Variants in EYS observed in about 807,000 individuals in gnomAD.
The protein encoded by EYS is protein eyes shut homolog.
EYS carries 250 observed loss-of-function variants against 282.1 expected under a neutral mutation model. The observed-to-expected ratio is 0.89, with a 90% CI of 0.80 to 0.98. EYS has a LOEUF of 0.98. Ranked by LOEUF, EYS falls within the 50% of genes least tolerant of loss-of-function variation. The pLI, the probability that EYS is intolerant of heterozygous loss-of-function variation, is 0.00. For missense variants in EYS, 4,016 were observed against 3,709.0 expected (o/e 1.08, Z -2.15); for synonymous variants, 1,355 against 1,282.9 (o/e 1.06, Z -1.20).
chr6:64,237,326 T>A (rs1766643279), intron 30 of EYS, among the ~76,000 whole-genome samples: 1 of 152,166 alleles, frequency 6.6e-6, no homozygotes, highest in African/African-American at 2.4e-5. Context: ...CTTTTGCAGG[T>A]AATGTATAGT....
intron 13 of EYS, among the ~76,000 whole-genome samples, chr6:65,053,910 C>A (rs1773344260): frequency 6.6e-6 from 1 of 151,856 alleles, no homozygotes; most frequent in South Asian, 2.1e-4. Flanking sequence ...ATGTGTCATT[C>A]TGGAGTTACA....
chr6:64,924,754 A>G (rs1768458822), intron 15 of EYS, among the ~76,000 whole-genome samples: 1 of 152,170 alleles, frequency 6.6e-6, no homozygotes, highest in African/African-American at 2.4e-5. Flanking sequence ...CTAAAACATA[A>G]CAAGAGTCAC....
At chr6:63,974,884 T>C (rs918139830) in intron 35 of EYS, among the ~76,000 whole-genome samples, 3 of 152,048 alleles carry the variant, frequency 2.0e-5, no homozygotes, top group Non-Finnish European at 1.5e-5. Context: ...ATGGCAGTAA[T>C]AAAAGTGGTT....
intron 12 of EYS, among the ~76,000 whole-genome samples, chr6:65,174,383 A>G (rs1299586638): frequency 3.3e-5 from 5 of 151,350 alleles, no homozygotes; most frequent in African/African-American, 1.2e-4. Flanking sequence ...TACAAATTTC[A>G]AAAATATTTG....
intron 31 of EYS, among the ~76,000 whole-genome samples, chr6:64,214,998 C>G (rs1197591767): frequency 1.3e-5 from 2 of 151,878 alleles, no homozygotes; most frequent in Non-Finnish European, 2.9e-5. Flanking sequence ...AATTTCCACT[C>G]TAGTTAAAAT....
chr6:64,406,558 A>G (rs1267526868), intron 28 of EYS, among the ~76,000 whole-genome samples: 2 of 152,224 alleles, frequency 1.3e-5, no homozygotes, highest in Non-Finnish European at 2.9e-5. Flanking sequence ...TTTGCAATCT[A>G]TCCATCTGAC....
At chr6:64,475,081 G>A (rs929657354) in intron 26 of EYS, among the ~76,000 whole-genome samples, 10 of 152,158 alleles carry the variant, frequency 6.6e-5, no homozygotes, top group African/African-American at 2.4e-4. Context: ...TAAGTCAGCA[G>A]AATACTATCA....
chr6:65,293,552 A>T (rs1371396117), intron 12 of EYS, among the ~76,000 whole-genome samples: 4 of 151,830 alleles, frequency 2.6e-5, no homozygotes, highest in African/African-American at 9.7e-5. Flanking sequence ...GCTGTGTTTC[A>T]TGGTAGTTCA....
chr6:64,754,198 A>G (rs1772856333), intron 22 of EYS, among the ~76,000 whole-genome samples: 1 of 152,130 alleles, frequency 6.6e-6, no homozygotes, highest in South Asian at 2.1e-4. Flanking sequence ...TGTATAAATG[A>G]CACTACTATA....
rs528984275 is a variant in EYS, at chr6:65,023,186, T to A, written c.2138-25483A>T. Among the ~76,000 whole-genome samples, 663 of 152,292 alleles carry A rather than the reference T, an allele frequency of 4.4e-3. 7 individuals carry two copies. Among genetic ancestry groups the A allele is most frequent in the African/African-American group, 0.015 (625 of 41,564 alleles). On this transcript the variant is annotated intron_variant, in intron 13 of 42. Transcript: ENST00000503581. ...TCTCAACTGAATATTGAATTTTATC[T>A]CAGTAAAGCTATTAACTTATAGTAA...
chr6:64,462,073 A>T (rs1775768069), intron 26 of EYS, among the ~76,000 whole-genome samples: 2 of 152,194 alleles, frequency 1.3e-5, no homozygotes, highest in Non-Finnish European at 2.9e-5. Context: ...AAAATGCTTT[A>T]AAATGTGTTT....
chr6:64,829,970 G>T (rs1765168046), intron 19 of EYS, among the ~76,000 whole-genome samples: 1 of 151,886 alleles, frequency 6.6e-6, no homozygotes, highest in Admixed American at 6.6e-5. Flanking sequence ...GGCTCTTTGT[G>T]CTAAGAAACT....
intron 35 of EYS, among the ~76,000 whole-genome samples, chr6:63,930,580 C>T (rs550422372): frequency 7.8e-4 from 118 of 152,018 alleles, no homozygotes; most frequent in Middle Eastern, 6.8e-3. Context: ...TAACTGATTA[C>T]CAAATTAATG....
chr6:64,575,455 A>G (rs1301902444), intron 26 of EYS, among the ~76,000 whole-genome samples: 1 of 152,134 alleles, frequency 6.6e-6, no homozygotes, highest in African/African-American at 2.4e-5. Context: ...GCTCTTAGGA[A>G]GGAAGAGACA....
At chr6:64,780,691 A>G (rs1773831968) in intron 22 of EYS, among the ~76,000 whole-genome samples, 1 of 152,220 alleles carries the variant, frequency 6.6e-6, no homozygotes, top group Non-Finnish European at 1.5e-5. Context: ...TCCTGCAATG[A>G]AAGGCAAAAA....
chr6:64,465,801 C>A (rs115860481), intron 26 of EYS, among the ~76,000 whole-genome samples: 2,480 of 151,074 alleles, frequency 0.016, 23 homozygotes, highest in South Asian at 0.035. Flanking sequence ...AAATAATTAC[C>A]ACAGTGAAGA....
At chr6:64,103,514 C>T (rs989829190) in intron 31 of EYS, among the ~76,000 whole-genome samples, 2 of 152,028 alleles carry the variant, frequency 1.3e-5, no homozygotes, top group African/African-American at 4.8e-5. Context: ...AATGTAGCAA[C>T]CTGGAAGGTA....
intron 28 of EYS, among the ~76,000 whole-genome samples, chr6:64,394,187 G>A (rs1478397791): frequency 1.3e-5 from 2 of 152,168 alleles, no homozygotes; most frequent in Non-Finnish European, 2.9e-5. Flanking sequence ...AATCAATATT[G>A]TGAAAATGGC....
intron 8 of EYS, among the ~76,000 whole-genome samples, chr6:65,364,231 A>T (rs929004941): frequency 7.0e-6 from 1 of 142,932 alleles, no homozygotes; most frequent in African/African-American, 2.6e-5. Context: ...TGACTAAAAA[A>T]TAAAATCAAC....
Sources: gnomAD v4.1 joint callset for allele counts (sites outside exome capture counted in the v4.1 genomes callset) on GRCh38, gnomAD v4.1.1 for gene constraint, MANE v1.5 for transcripts, NCBI Gene and HGNC (gene_info 2026-07-23, HGNC 2026-07-21) for gene names.